Variants in ANKRD6 observed in about 807,000 individuals in gnomAD.
ANKRD6 encodes the protein ankyrin repeat domain 6.
In ANKRD6, 56 loss-of-function variants were observed where a neutral mutation model predicts 82.3. That is an observed-to-expected ratio of 0.68 (90% confidence interval 0.55 to 0.85). The LOEUF is 0.85. Among genes scored for constraint, ANKRD6 ranks in the 40% least tolerant of loss-of-function variants. The probability of loss-of-function intolerance (pLI) is 0.00; values close to 1 mark genes in which losing one functional copy is unlikely to be tolerated. For synonymous variants in ANKRD6, 347 were observed against 352.1 expected, an observed-to-expected ratio of 0.99 and a Z score of 0.16; for missense variants, 852 against 907.6, an observed-to-expected ratio of 0.94 and a Z score of 0.79.
chr6:89,626,398 G>A (rs567959713), intron 13 of ANKRD6, among the ~76,000 whole-genome samples: 1 of 152,282 alleles, frequency 6.6e-6, no homozygotes, highest in East Asian at 1.9e-4. Flanking sequence ...ACCCGAGCCA[G>A]TTAGTGTGAC....
intron 1 of ANKRD6, among the ~76,000 whole-genome samples, chr6:89,478,647 G>A (rs185602385): frequency 4.0e-5 from 6 of 151,318 alleles, no homozygotes; most frequent in Middle Eastern, 3.4e-3. Context: ...GGGAGGGGGC[G>A]GGGTGGTGCT....
intron 1 of ANKRD6, among the ~76,000 whole-genome samples, chr6:89,526,747 A>G (rs1782545411): frequency 6.6e-6 from 1 of 152,176 alleles, no homozygotes; most frequent in Non-Finnish European, 1.5e-5. Flanking sequence ...ACCCAGGAAA[A>G]CCAGTGGTAT....
chr6:89,564,044 G>A (rs1318416978), intron 1 of ANKRD6, among the ~76,000 whole-genome samples: 1 of 152,236 alleles, frequency 6.6e-6, no homozygotes, highest in East Asian at 1.9e-4. Flanking sequence ...GCAGGTGAAG[G>A]CTGGAGATCC....
intron 8 of ANKRD6, 70 bp downstream of exon 8, chr6:89,616,727 C>A: frequency 1.4e-6 from 2 of 1,406,082 alleles, no homozygotes; most frequent in Non-Finnish European, 2.0e-6. Flanking sequence ...GTGTACTAAA[C>A]CCCTGCAGAC....
At chr6:89,469,529 T>A (rs1775218169) in intron 1 of ANKRD6, among the ~76,000 whole-genome samples, 1 of 152,218 alleles carries the variant, frequency 6.6e-6, no homozygotes, top group Non-Finnish European at 1.5e-5. Context: ...ACCTTGTCAG[T>A]TGTCACCCCT....
At chr6:89,621,056 G>A (rs1803094297) in intron 9 of ANKRD6, among the ~76,000 whole-genome samples, 1 of 152,088 alleles carries the variant, frequency 6.6e-6, no homozygotes, top group Non-Finnish European at 1.5e-5. Context: ...GGCACAGAGT[G>A]AGACTCTGTC....
At chr6:89,608,854 T>G (rs1190431826) in intron 5 of ANKRD6, among the ~76,000 whole-genome samples, 3 of 152,168 alleles carry the variant, frequency 2.0e-5, no homozygotes, top group Non-Finnish European at 4.4e-5. Context: ...ATCTAGTCCC[T>G]CCTTTCATCC....
At chr6:89,555,683 G>T (rs965190095) in intron 1 of ANKRD6, among the ~76,000 whole-genome samples, 2 of 152,164 alleles carry the variant, frequency 1.3e-5, no homozygotes, top group Non-Finnish European at 2.9e-5. Flanking sequence ...GGTGCTCTAA[G>T]TACCTTTTGG....
chr6:89,624,634 G>A lies in ANKRD6; in HGVS notation c.1314G>A (p.Ser438=), dbSNP rs371990257. 4.3e-5 allele frequency: 69 copies of A among 1,588,966 alleles called. No homozygotes were observed. The highest frequency in any genetic ancestry group is 1.5e-4 in the African/African-American group (11 of 74,498). ...AGGAGATAAAAGCAGAGCTGGGATC[G>A]GTTCAGGACAAAATGAATACAAAGC... ...TVEEIKAELG[S]VQDKMNTKLG... is the part of the protein sequence containing the mutation. Residue 438 remains serine, a synonymous_variant, in exon 13 of 16, where the codon TCG becomes TCA. Coordinates refer to ENST00000339746, the MANE Select transcript of ANKRD6 (RefSeq NM_001242809.2).
intron 1 of ANKRD6, among the ~76,000 whole-genome samples, chr6:89,479,103 C>T (rs746399596): frequency 9.2e-5 from 14 of 152,082 alleles, no homozygotes; most frequent in African/African-American, 2.2e-4. Context: ...TTCTCTGTCT[C>T]GAAGGTACCT....
chr6:89,630,825 C>A lies in ANKRD6; in HGVS notation c.2005C>A (p.Gln669Lys). The A allele has an allele frequency of 6.2e-7, 1 of 1,613,930 alleles. No individual in the cohort carries two copies. The highest frequency in any genetic ancestry group is 8.5e-7 in the Non-Finnish European group (1 of 1,179,896). The change falls in exon 16 of 16, where the codon CAG becomes AAG. Residue 669 changes from glutamine (Q) to lysine (K), a missense_variant. By Grantham distance (53) the Gln-to-Lys change is moderately conservative (BLOSUM62 1). Transcript: ENST00000339746. ...CACCTCCCAAGCTCTGGAGCTTACC[C>A]AGTATTTTTTTGAGGCTGTTTCTAC... ...RDTSQALELTQYFFEAVSTQM... is the reference protein window; with the variant it reads ...RDTSQALELTKYFFEAVSTQM...
chr6:89,592,349 C>A (rs1175834655), intron 2 of ANKRD6, among the ~76,000 whole-genome samples: 11 of 152,170 alleles, frequency 7.2e-5, no homozygotes, highest in Non-Finnish European at 7.3e-5. Flanking sequence ...ATGGACGTTA[C>A]CTCGTGTCCT....
In ANKRD6 at chr6:89,631,913, T is replaced by TAAAG. The variant is rs1386266789; in HGVS notation, c.*911_*912insAGAA. On this transcript the variant is annotated 3_prime_UTR_variant, in exon 16 of 16. Coordinates refer to ENST00000339746, the MANE Select transcript of ANKRD6 (RefSeq NM_001242809.2). Reference sequence around the variant, plus strand: ...AGTATTTCATTTTGAATTCTGTCATTAACCTCAAAAGCTTTCTACTGCTTT... The same window carrying TAAAG: ...AGTATTTCATTTTGAATTCTGTCATTAAAGAACCTCAAAAGCTTTCTACTGCTTT... 2.1e-4 allele frequency: 32 copies of TAAAG among 152,360 alleles called. No homozygotes were observed. The highest frequency in any genetic ancestry group is 7.7e-4 in the African/African-American group (32 of 41,582). 9.4% of individuals were successfully genotyped at this position (152,360 alleles called of 1,614,324 possible).
chr6:89,526,563 C>T (rs1434142724), intron 1 of ANKRD6, among the ~76,000 whole-genome samples: 1 of 152,178 alleles, frequency 6.6e-6, no homozygotes. Flanking sequence ...AACATATGCC[C>T]TGTTTACCAT....
At position 89,534,735 on chromosome 6, in the gene ANKRD6, G is replaced by T. The variant is rs546810727; in HGVS notation, c.-143-32099G>T. 2.6e-5 allele frequency among the ~76,000 whole-genome samples: 4 copies of T among 152,290 alleles called. No individual in the cohort carries two copies. In the South Asian group the frequency reaches 8.3e-4, roughly 32 times the overall value. On this transcript the variant is annotated intron_variant, in intron 1 of 15. Transcript: ENST00000339746. ...CTCTTGGAGCTCTCATGGGGATGAG[G>T]GTGAGGGGAGACAAGATGCACAGAA...
chr6:89,600,606 G>A (rs960396581), intron 3 of ANKRD6, among the ~76,000 whole-genome samples: 7 of 152,168 alleles, frequency 4.6e-5, no homozygotes, highest in Non-Finnish European at 2.9e-5. Context: ...CAGTCGCGTG[G>A]TTCTTGCTAA....
chr6:89,622,062 C>T, intron 10 of ANKRD6, 36 bp downstream of exon 10: 1 of 1,591,950 alleles, frequency 6.3e-7, no homozygotes, highest in Non-Finnish European at 8.6e-7. Flanking sequence ...CCACATCCAC[C>T]CATGCTCAGA....
intron 2 of ANKRD6, among the ~76,000 whole-genome samples, chr6:89,573,473 C>G (rs1321527438): frequency 6.6e-6 from 1 of 152,072 alleles, no homozygotes; most frequent in African/African-American, 2.4e-5. Flanking sequence ...GTCATTTATC[C>G]TTCTTTCTGA....
At chr6:89,497,487 C>T (rs1778764144) in intron 1 of ANKRD6, among the ~76,000 whole-genome samples, 1 of 152,096 alleles carries the variant, frequency 6.6e-6, no homozygotes, top group Admixed American at 6.6e-5. Flanking sequence ...TGTAGGAAGA[C>T]TACAAGAAAT....
Sources: gnomAD v4.1 joint callset for allele counts (sites outside exome capture counted in the v4.1 genomes callset) on GRCh38, gnomAD v4.1.1 for gene constraint, MANE v1.5 for transcripts, NCBI Gene and HGNC (gene_info 2026-07-23, HGNC 2026-07-21) for gene names.